MTSS1: variants seen among roughly 807,000 people sequenced by gnomAD.
The protein encoded by MTSS1 is protein MTSS 1.
In MTSS1, 18 loss-of-function variants were observed where a neutral mutation model predicts 79.0. The ratio of observed to expected loss-of-function variants is 0.23; its 90% confidence interval spans 0.16 to 0.34. The LOEUF is 0.34. MTSS1 is among the 10% of genes least tolerant of loss of function. MTSS1 has a pLI of 1.00. For missense variants in MTSS1, 815 were observed against 986.2 expected (o/e 0.83, Z 2.33); for synonymous variants, 341 against 368.6 (o/e 0.93, Z 0.86).
chr8:124,672,892 C>A (rs1292100677), intron 3 of MTSS1, among the ~76,000 whole-genome samples: 16 of 151,268 alleles, frequency 1.1e-4, no homozygotes, highest in Non-Finnish European at 4.4e-5. Flanking sequence ...CACACACATG[C>A]ACACACACAC....
chr8:124,565,631 G>A (rs1245233068), intron 9 of MTSS1, 31 bp downstream of exon 9: 4 of 1,583,450 alleles, frequency 2.5e-6, no homozygotes, highest in Non-Finnish European at 3.5e-6. Context: ...GACCCGTCCT[G>A]AAAGCAAGAG....
intron 3 of MTSS1, among the ~76,000 whole-genome samples, chr8:124,671,773 A>G (rs1164476508): frequency 2.0e-5 from 3 of 152,220 alleles, no homozygotes; most frequent in Non-Finnish European, 4.4e-5. Flanking sequence ...TTAAGAACAC[A>G]GCATTCTGCC....
chr8:124,561,141 T>G (rs1825202166), intron 10 of MTSS1, among the ~76,000 whole-genome samples: 1 of 152,182 alleles, frequency 6.6e-6, no homozygotes, highest in South Asian at 2.1e-4. Context: ...TCATTAAAAC[T>G]ACCCTAGTGG....
intron 9 of MTSS1, chr8:124,563,240 C>G: frequency 1.9e-6 from 1 of 522,354 alleles, no homozygotes; most frequent in South Asian, 2.1e-5. Flanking sequence ...TGCCAGGACT[C>G]AGGTCTCCGA....
At chr8:124,657,550 C>A (rs1411445598) in intron 3 of MTSS1, among the ~76,000 whole-genome samples, 4 of 151,830 alleles carry the variant, frequency 2.6e-5, no homozygotes, top group Non-Finnish European at 5.9e-5. Flanking sequence ...CTTTCCTCTG[C>A]ACTGAGCAGA....
At chr8:124,554,250 T>G (rs988125398) in intron 13 of MTSS1, among the ~76,000 whole-genome samples, 7 of 152,206 alleles carry the variant, frequency 4.6e-5, no homozygotes, top group African/African-American at 1.4e-4. Context: ...GCTTACAGAT[T>G]AAACAGCTCA....
intron 3 of MTSS1, among the ~76,000 whole-genome samples, chr8:124,625,142 T>C (rs2133660780): frequency 6.6e-6 from 1 of 152,270 alleles, no homozygotes; most frequent in East Asian, 1.9e-4. Context: ...GTGCAAATGA[T>C]TGTCATCCTC....
chr8:124,608,818 A>G (rs1375791315), intron 3 of MTSS1, among the ~76,000 whole-genome samples: 4 of 152,148 alleles, frequency 2.6e-5, no homozygotes, highest in Non-Finnish European at 1.5e-5. Context: ...TCAGCTAGTA[A>G]TGTCTGCTAC....
At chr8:124,672,647 T>TTTAAAA (rs554507800) in intron 3 of MTSS1, among the ~76,000 whole-genome samples, 2,536 of 147,044 alleles carry the variant, frequency 0.017, 72 homozygotes, top group African/African-American at 0.06. Context: ...CTCTACAAAA[T>TTTAAAA]AATTTAAAAA....
At chr8:124,697,245 G>A (rs1338459091) in intron 3 of MTSS1, among the ~76,000 whole-genome samples, 3 of 138,026 alleles carry the variant, frequency 2.2e-5, no homozygotes, top group East Asian at 4.1e-4. Context: ...TAAAACAGTA[G>A]AGCAGCTTAA....
In MTSS1 at chr8:124,591,226, C is replaced by T. The variant is rs149361854; in HGVS notation, c.218G>A (p.Arg73Lys). The T allele has an allele frequency of 4.1e-4, 659 of 1,614,170 alleles. 5 individuals are homozygous for T. In the African/African-American group the frequency reaches 7.5e-3, roughly 18 times the overall value. Residue 73 changes from arginine to lysine, a missense_variant, in exon 4 of 14, where the codon AGG (arginine) becomes AAG (lysine). By Grantham distance (26) the Arg-to-Lys change is conservative. This residue lies in a region of MTSS1 where 225 missense variants were observed against 365.4 expected (regional missense o/e 0.62). Transcript: ENST00000518547. ...CCTGGTGAGAGCAGATCCAATCTCC[C>T]TGGTCCCACCTGAAAAAGCAACAGA... is the stretch of plus-strand genomic sequence containing the variant. ...DMATNTRGGT[R>K]EIGSALTRMC... is the part of the protein sequence containing the mutation.
At chr8:124,609,996 A>G (rs1455297174) in intron 3 of MTSS1, among the ~76,000 whole-genome samples, 1 of 152,202 alleles carries the variant, frequency 6.6e-6, no homozygotes, top group Admixed American at 6.5e-5. Flanking sequence ...GATCTGGACC[A>G]TAAAGCTGTG....
At chr8:124,701,466 C>T (rs1829687494) in intron 2 of MTSS1, among the ~76,000 whole-genome samples, 2 of 152,292 alleles carry the variant, frequency 1.3e-5, no homozygotes, top group South Asian at 4.1e-4. Context: ...TACATGTACA[C>T]AAAACCACTT....
intron 3 of MTSS1, among the ~76,000 whole-genome samples, chr8:124,694,882 A>G (rs1312431155): frequency 6.6e-6 from 1 of 152,324 alleles, no homozygotes; most frequent in East Asian, 1.9e-4. Context: ...ATTTAAAACA[A>G]ATTGTATATT....
intron 6 of MTSS1, among the ~76,000 whole-genome samples, chr8:124,578,527 G>A (rs1207496510): frequency 1.3e-5 from 2 of 152,020 alleles, no homozygotes; most frequent in Non-Finnish European, 2.9e-5. Context: ...TGGCAGGGTG[G>A]CTCACACCTG....
At chr8:124,595,067 G>A (rs747804832) in intron 3 of MTSS1, among the ~76,000 whole-genome samples, 1 of 152,138 alleles carries the variant, frequency 6.6e-6, no homozygotes, top group Non-Finnish European at 1.5e-5. Context: ...ATAAAGGAAC[G>A]GACATTTACC....
rs551564112 is a variant in MTSS1 at position 124,590,927 on chromosome 8, C to G, written c.293+224G>C. Among the ~76,000 whole-genome samples the G allele has an allele frequency of 5.9e-5, 9 of 152,372 alleles. No homozygotes were observed. In the East Asian group the frequency reaches 1.5e-3, roughly 26 times the overall value. On this transcript the variant is annotated intron_variant, in intron 4 of 13. Transcript: ENST00000518547. ...GGGTAAGGAGAGACCCATGCAGGAG[C>G]ACAGGCTCTGTGAAGGCAGGGGCCT...
chr8:124,564,818 A>C (rs1446244225), intron 9 of MTSS1: 1 of 152,274 alleles, frequency 6.6e-6, no homozygotes, highest in Non-Finnish European at 1.5e-5. Flanking sequence ...TGTAGTGTAC[A>C]AGCTCCGCAG....
chr8:124,699,728 G>A (rs1013237499), intron 2 of MTSS1, 129 bp from the exon 3 acceptor site: 30 of 809,092 alleles, frequency 3.7e-5, no homozygotes, highest in Non-Finnish European at 5.4e-5. Context: ...AACTGAGCAT[G>A]GACAACCACT....
Sources: gnomAD v4.1 joint callset for allele counts (sites outside exome capture counted in the v4.1 genomes callset) on GRCh38, gnomAD v4.1.1 for gene constraint, gnomAD v4.1.1 regional missense constraint, MANE v1.5 for transcripts, NCBI Gene and HGNC (gene_info 2026-07-23, HGNC 2026-07-21) for gene names.